Variants in ZNF131 observed in about 807,000 individuals in gnomAD.
The protein encoded by ZNF131 is zinc finger and BTB domain containing 35.
In ZNF131, 7 loss-of-function variants were observed where a neutral mutation model predicts 60.0. The observed-to-expected ratio is 0.12, with a 90% CI of 0.07 to 0.22. The LOEUF is 0.22. ZNF131 is among the 10% of genes least tolerant of loss of function. ZNF131 has a pLI of 1.00. For synonymous variants in ZNF131, 257 were observed against 253.2 expected (o/e 1.01, Z -0.14); for missense variants, 493 against 740.9 (o/e 0.67, Z 3.88).
chr5:43,128,642 G>A (rs1302013675), intron 3 of ZNF131, among the ~76,000 whole-genome samples: 4 of 124,066 alleles, frequency 3.2e-5, no homozygotes, highest in African/African-American at 9.0e-5. Flanking sequence ...GGGCGACAGA[G>A]CGAGACTCCA....
Position 43,137,655 on chromosome 5 carries a change from A to C in ZNF131, c.227-1510A>C, listed in dbSNP as rs189460642. On this transcript the variant is annotated intron_variant, in intron 3 of 6. Coordinates refer to ENST00000682664, the MANE Select transcript of ZNF131 (RefSeq NM_001330707.2). Reference sequence around the variant, plus strand: ...GCACAATGTTGGCAGGAATAGGTGCAGCCATTATGGAAAACAGTATGAATG... The same window carrying C: ...GCACAATGTTGGCAGGAATAGGTGCCGCCATTATGGAAAACAGTATGAATG... Among the ~76,000 whole-genome samples the C allele has an allele frequency of 4.5e-4, 68 of 152,316 alleles. No individual in the cohort carries two copies. The East Asian group carries it at 0.011, about 25-fold the overall frequency.
intron 6 of ZNF131, 93 bp from the exon 7 acceptor site, chr5:43,174,354 C>T (rs1473206055): frequency 5.4e-6 from 6 of 1,113,386 alleles, no homozygotes; most frequent in Non-Finnish European, 7.4e-6. Context: ...ACAGAATAAG[C>T]CTTCAATCTT....
intron 4 of ZNF131, among the ~76,000 whole-genome samples, chr5:43,160,700 T>TTTTTTTTTTTTA (rs869049426): frequency 1.8e-5 from 2 of 113,884 alleles, no homozygotes; most frequent in Admixed American, 9.9e-5. Context: ...TTTTTTTTTT[T>TTTTTTTTTTTTA]GAGACAGAGT....
intron 4 of ZNF131, among the ~76,000 whole-genome samples, chr5:43,156,357 A>G (rs569279423): frequency 4.6e-5 from 7 of 152,194 alleles, no homozygotes; most frequent in Non-Finnish European, 5.9e-5. Context: ...TTGGATGAGT[A>G]TATTGCTTTC....
intron 4 of ZNF131, among the ~76,000 whole-genome samples, chr5:43,157,243 C>T (rs1268412286): frequency 1.3e-5 from 2 of 152,132 alleles, no homozygotes; most frequent in Non-Finnish European, 2.9e-5. Flanking sequence ...AAGGACGGAG[C>T]CCAAAGCTGG....
At chr5:43,160,037 G>A (rs183861566) in intron 4 of ZNF131, among the ~76,000 whole-genome samples, 11 of 152,010 alleles carry the variant, frequency 7.2e-5, no homozygotes, top group African/African-American at 2.4e-4. Flanking sequence ...TTAGCTGGTC[G>A]TGGTGGCGGG....
chr5:43,163,180 G>T (rs1020907336), intron 5 of ZNF131, among the ~76,000 whole-genome samples: 1 of 151,642 alleles, frequency 6.6e-6, no homozygotes, highest in African/African-American at 2.4e-5. Flanking sequence ...TCACCATATT[G>T]GTCAGGCCAG....
intron 5 of ZNF131, 114 bp from the exon 6 acceptor site, chr5:43,173,204 T>C: frequency 9.0e-7 from 1 of 1,105,830 alleles, no homozygotes. Flanking sequence ...TTGTGATTTC[T>C]CCTTTTAGGA....
At chr5:43,137,878 A>C (rs1029905188) in intron 3 of ZNF131, among the ~76,000 whole-genome samples, 1 of 152,250 alleles carries the variant, frequency 6.6e-6, no homozygotes, top group African/African-American at 2.4e-5. Context: ...ATCCAATGGA[A>C]TACTATTCAG....
chr5:43,134,992 C>T (rs561377416), intron 3 of ZNF131, among the ~76,000 whole-genome samples: 3 of 149,624 alleles, frequency 2.0e-5, no homozygotes, highest in Non-Finnish European at 3.0e-5. Flanking sequence ...CCACCGCGCC[C>T]GGCCATCAGT....
At chr5:43,173,174 G>T in intron 5 of ZNF131, 144 bp from the exon 6 acceptor site, 2 of 894,456 alleles carry the variant, frequency 2.2e-6, no homozygotes, top group Admixed American at 3.1e-5. Flanking sequence ...GGAATATGGT[G>T]AAAATATTTG....
At chr5:43,172,848 A>G (rs994897333) in intron 5 of ZNF131, among the ~76,000 whole-genome samples, 2 of 151,678 alleles carry the variant, frequency 1.3e-5, no homozygotes, top group Admixed American at 1.3e-4. Flanking sequence ...GCATTTGTTT[A>G]TTTTCATGTA....
intron 4 of ZNF131, among the ~76,000 whole-genome samples, chr5:43,142,945 C>T (rs1374398407): frequency 4.6e-5 from 7 of 152,046 alleles, no homozygotes; most frequent in Admixed American, 3.9e-4. Flanking sequence ...ACGTGGCCAC[C>T]TCAGCCTCTC....
At chr5:43,121,905 C>G in intron 1 of ZNF131, 134 bp from the exon 2 acceptor site, 1 of 1,020,260 alleles carries the variant, frequency 9.8e-7, no homozygotes, top group Non-Finnish European at 1.3e-6. Context: ...CTTCCCTCGC[C>G]TTTCTCTCCT....
At chr5:43,145,877 A>G (rs918778871) in intron 4 of ZNF131, among the ~76,000 whole-genome samples, 2 of 152,172 alleles carry the variant, frequency 1.3e-5, no homozygotes, top group Non-Finnish European at 2.9e-5. Context: ...ATACCAGACA[A>G]GTTGAGTTTG....
rs527966152 is a variant in ZNF131, at chr5:43,130,537, C to T, written c.226+7227C>T. On this transcript the variant is annotated intron_variant, in intron 3 of 6. Transcript: ENST00000682664. ...AAAAGTTTTGAAGTGGTTGATGTTTCGATTCTTTTACCACATTTTTTAATT... is the reference window on the plus strand; with the variant it reads ...AAAAGTTTTGAAGTGGTTGATGTTTTGATTCTTTTACCACATTTTTTAATT... Among the ~76,000 whole-genome samples the T allele has an allele frequency of 1.2e-3, 187 of 152,090 alleles. 2 individuals carry two copies. Among genetic ancestry groups the T allele is most frequent in the African/African-American group, 4.4e-3 (182 of 41,500 alleles).
chr5:43,144,231 TTC>T (rs1362325438), intron 4 of ZNF131, among the ~76,000 whole-genome samples: 12 of 126,790 alleles, frequency 9.5e-5, no homozygotes, highest in Non-Finnish European at 1.8e-4. Flanking sequence ...CTTTTTTTCT[TTC>T]TTTCTTTTTT....
chr5:43,130,059 A>G (rs1264349672), intron 3 of ZNF131, among the ~76,000 whole-genome samples: 1 of 151,398 alleles, frequency 6.6e-6, no homozygotes, highest in African/African-American at 2.4e-5. Context: ...TGAGCTCAGG[A>G]GTTCGAGACC....
intron 3 of ZNF131, among the ~76,000 whole-genome samples, chr5:43,126,221 T>C (rs1744531093): frequency 6.6e-6 from 1 of 152,210 alleles, no homozygotes; most frequent in Non-Finnish European, 1.5e-5. Flanking sequence ...TCATGGACAT[T>C]TGAATATTTT....
Sources: gnomAD v4.1 joint callset for allele counts (sites outside exome capture counted in the v4.1 genomes callset) on GRCh38, gnomAD v4.1.1 for gene constraint, MANE v1.5 for transcripts, NCBI Gene and HGNC (gene_info 2026-07-23, HGNC 2026-07-21) for gene names.